HECTD2: variants seen among roughly 807,000 people sequenced by gnomAD.
HECTD2 encodes the protein HECT domain E3 ubiquitin protein ligase 2, also known as probable E3 ubiquitin-protein ligase HECTD2.
In HECTD2, 35 loss-of-function variants were observed where a neutral mutation model predicts 103.2. The observed-to-expected ratio is 0.34, with a 90% CI of 0.26 to 0.45. HECTD2 has a LOEUF of 0.45. HECTD2 is among the 20% of genes least tolerant of loss of function. HECTD2 has a pLI of 1.00. For missense variants in HECTD2, 596 were observed against 937.4 expected (o/e 0.64, Z 4.76); for synonymous variants, 281 against 329.9 (o/e 0.85, Z 1.61).
At chr10:91,452,810 A>G (rs186254286) in intron 2 of HECTD2, among the ~76,000 whole-genome samples, 45 of 152,262 alleles carry the variant, frequency 3.0e-4, no homozygotes, top group Non-Finnish European at 1.3e-4. Context: ...TTCAAATGCT[A>G]AAAGGACTGT....
At chr10:91,510,215 T>C (rs7478184) in intron 20 of HECTD2, among the ~76,000 whole-genome samples, 30,588 of 152,140 alleles carry the variant, frequency 0.2, 7,303 homozygotes, top group African/African-American at 0.58. Flanking sequence ...AGGGCATGAA[T>C]CCTTGGCAAT....
At chr10:91,450,968 C>A (rs12242257) in intron 2 of HECTD2, among the ~76,000 whole-genome samples, 12,058 of 152,106 alleles carry the variant, frequency 0.079, 924 homozygotes, top group African/African-American at 0.2. Context: ...CCTCAAGAAT[C>A]TAGAACCAGA....
chr10:91,458,638 A>T (rs1845214326), intron 2 of HECTD2, among the ~76,000 whole-genome samples: 1 of 152,000 alleles, frequency 6.6e-6, no homozygotes, highest in Non-Finnish European at 1.5e-5. Context: ...TCAATGAAGG[A>T]AAAATAACCT....
chr10:91,468,958 C>A (rs1028708368), intron 5 of HECTD2, among the ~76,000 whole-genome samples: 160 of 103,176 alleles, frequency 1.6e-3, no homozygotes, highest in Non-Finnish European at 2.0e-3. Flanking sequence ...AAAAAAAAAA[C>A]AAGAGTACAG....
At chr10:91,460,376 T>A (rs759697775) in intron 2 of HECTD2, 51 bp from the exon 3 acceptor site, 1 of 1,377,534 alleles carries the variant, frequency 7.3e-7, no homozygotes, top group South Asian at 1.4e-5. Context: ...ATTTTATAAT[T>A]TTGAAAAGTT....
rs147186057 is a variant in HECTD2, at chr10:91,422,986, C to A, written c.139-2295C>A. 6.7e-3 allele frequency among the ~76,000 whole-genome samples: 1,015 copies of A among 152,212 alleles called. 7 individuals are homozygous for A. Among genetic ancestry groups the A allele is most frequent in the Non-Finnish European group, 9.7e-3 (660 of 67,984 alleles). ...ATGGTTTAGGACATGAGAAGTTTCC[C>A]TAAAGTACACTTAGTTGTTCTGCTT... On this transcript the variant is annotated intron_variant, in intron 1 of 20. Transcript: ENST00000298068.
At chr10:91,443,711 A>G (rs1464492372) in intron 2 of HECTD2, among the ~76,000 whole-genome samples, 5 of 152,070 alleles carry the variant, frequency 3.3e-5, no homozygotes, top group Non-Finnish European at 7.4e-5. Context: ...AAGAATTTGT[A>G]TTTCTAGATG....
chr10:91,445,990 A>AT (rs113184485), intron 2 of HECTD2, among the ~76,000 whole-genome samples: 35 of 148,440 alleles, frequency 2.4e-4, no homozygotes, highest in South Asian at 4.3e-4. Flanking sequence ...TGCTGCAGGA[A>AT]TTTTTTTTTT....
At chr10:91,472,018 A>ATT (rs1437915065) in intron 5 of HECTD2, among the ~76,000 whole-genome samples, 1 of 152,224 alleles carries the variant, frequency 6.6e-6, no homozygotes, top group Non-Finnish European at 1.5e-5. Flanking sequence ...ATCCTTAAAA[A>ATT]AGATAACAAA....
intron 2 of HECTD2, among the ~76,000 whole-genome samples, chr10:91,433,326 T>C (rs1158809503): frequency 6.6e-6 from 1 of 152,004 alleles, no homozygotes; most frequent in Non-Finnish European, 1.5e-5. Flanking sequence ...TTTCACTCTC[T>C]TTTCTGTTAT....
In HECTD2 at chr10:91,487,821, T is replaced by G; in HGVS notation, c.1191+43T>G. The G allele has an allele frequency of 2.0e-6, 2 of 1,014,268 alleles. No individual in the cohort carries two copies. The highest frequency in any genetic ancestry group is 4.9e-5 in the East Asian group (2 of 41,010). The allele number at this position is 1,014,268 out of a possible 1,614,324, so 62.8% of individuals were successfully genotyped here. A position where few individuals can be genotyped will look rare whatever the true frequency, so the allele number is the denominator to read the frequency against. On this transcript the variant is annotated intron_variant, in intron 11 of 20. Transcript: ENST00000298068. This position sits in a 1 kb window ranked among gnomAD's most constrained non-coding sequence, Gnocchi z 4.1. ...ACATATTTATGCTGACTATAATCAGTATAGTAAATAATTTAATAAATAATT... is the reference window on the plus strand; with the variant it reads ...ACATATTTATGCTGACTATAATCAGGATAGTAAATAATTTAATAAATAATT...
chr10:91,479,574 T>A (rs767500137), intron 6 of HECTD2, among the ~76,000 whole-genome samples: 1 of 152,194 alleles, frequency 6.6e-6, no homozygotes, highest in Non-Finnish European at 1.5e-5. Context: ...AGAATAGGAA[T>A]GTACTGTAAT....
At chr10:91,419,186 A>G (rs2132997025) in intron 1 of HECTD2, among the ~76,000 whole-genome samples, 1 of 152,312 alleles carries the variant, frequency 6.6e-6, no homozygotes, top group African/African-American at 2.4e-5. Context: ...AGTAAATTTT[A>G]CCAGAATTTT....
At chr10:91,462,831 C>T in intron 5 of HECTD2, 1 of 878,928 alleles carries the variant, frequency 1.1e-6, no homozygotes, top group Non-Finnish European at 1.4e-6. Flanking sequence ...GAAAAATTGA[C>T]ATCTTTTCAA....
Position 91,410,345 on chromosome 10 carries a change from G to T in HECTD2, c.-94G>T. On this transcript the variant is annotated 5_prime_UTR_variant, in exon 1 of 21. Coordinates refer to ENST00000298068, the MANE Select transcript of HECTD2 (RefSeq NM_182765.6). ...AGCGGCGGCTAGAAGCGGCAGCCCA[G>T]AGCCCTCTCGCGGCCGCGGCGGCAG... is the stretch of plus-strand genomic sequence containing the variant. 5.4e-6 allele frequency: 4 copies of T among 744,216 alleles called. No individual in the cohort carries two copies. The highest frequency in any genetic ancestry group is 7.1e-6 in the Non-Finnish European group (4 of 567,242). The allele number at this position is 744,216 out of a possible 1,614,324, so 46.1% of individuals were successfully genotyped here. A position where few individuals can be genotyped will look rare whatever the true frequency, so the allele number is the denominator to read the frequency against.
At chr10:91,498,032 G>C in intron 15 of HECTD2, 76 bp from the exon 16 acceptor site, 2 of 899,048 alleles carry the variant, frequency 2.2e-6, no homozygotes, top group South Asian at 1.4e-5. Flanking sequence ...ATATGCATGA[G>C]CTATAGAAAA....
intron 5 of HECTD2, among the ~76,000 whole-genome samples, chr10:91,471,360 C>T (rs1010953429): frequency 3.3e-5 from 5 of 152,186 alleles, no homozygotes; most frequent in Admixed American, 6.5e-5. Context: ...CCACAGCCAA[C>T]ATCATACTGA....
At chr10:91,507,045 G>T (rs1043181343) in intron 20 of HECTD2, among the ~76,000 whole-genome samples, 8 of 152,166 alleles carry the variant, frequency 5.3e-5, no homozygotes, top group African/African-American at 1.9e-4. Context: ...CTCAACAGAT[G>T]CAGAAAAGGC....
chr10:91,461,222 A>G (rs1434097690), intron 3 of HECTD2, 32 bp from the exon 4 acceptor site: 3 of 907,648 alleles, frequency 3.3e-6, no homozygotes, highest in African/African-American at 3.6e-5. Context: ...ATATTTCTAT[A>G]TGTATATACG....
Sources: gnomAD v4.1 joint callset for allele counts (sites outside exome capture counted in the v4.1 genomes callset) on GRCh38, gnomAD v4.1.1 for gene constraint, Gnocchi (gnomAD v3.1) non-coding constraint, MANE v1.5 for transcripts, NCBI Gene and HGNC (gene_info 2026-07-23, HGNC 2026-07-21) for gene names.